APOBEC3H: variants seen among roughly 807,000 people sequenced by gnomAD.
APOBEC3H encodes the protein DNA dC->dU-editing enzyme APOBEC-3H.
APOBEC3H carries 8 observed loss-of-function variants against 21.2 expected under a neutral mutation model. That is an observed-to-expected ratio of 0.38 (90% CI 0.22 to 0.68). The LOEUF (loss-of-function observed/expected upper bound fraction) is 0.68. Ranked by LOEUF, APOBEC3H falls within the 30% of genes least tolerant of loss-of-function variation. APOBEC3H has a pLI of 0.52. For missense variants in APOBEC3H, 229 were observed against 228.1 expected, an observed-to-expected ratio of 1.00 and a Z score of -0.03; for synonymous variants, 88 against 91.0, an observed-to-expected ratio of 0.97 and a Z score of 0.19.
In APOBEC3H at chr22:39,101,966, C is replaced by T. The variant is rs1344947994; in HGVS notation, c.467C>T (p.Ser156Phe). 1 of 1,613,862 alleles carries T rather than the reference C, an allele frequency of 6.2e-7. No homozygotes were observed. Among genetic ancestry groups the T allele is most frequent in the Non-Finnish European group, 8.5e-7 (1 of 1,179,932 alleles). The change falls in exon 4 of 5, where the codon TCC (serine) becomes TTC (phenylalanine). Residue 156 changes from serine to phenylalanine, a missense_variant. Coordinates refer to ENST00000442487, the MANE Select transcript of APOBEC3H (RefSeq NM_181773.5). ...ENFVDHEKPL[S>F]FNPYKMLEEL... ...TTTGTGGACCACGAGAAACCGCTTT[C>T]CTTCAACCCCTATAAGATGTTAGAG...
intron 2 of APOBEC3H, among the ~76,000 whole-genome samples, chr22:39,100,766 A>G (rs1929267113): frequency 6.6e-6 from 1 of 151,442 alleles, no homozygotes; most frequent in Non-Finnish European, 1.5e-5. Context: ...TCCGAGTGCA[A>G]CTCCATCACA....
chr22:39,102,719 C>T (rs1037919003), intron 4 of APOBEC3H: 9 of 603,978 alleles, frequency 1.5e-5, no homozygotes, highest in South Asian at 5.6e-5. Context: ...AAAATTAACT[C>T]GGCCAGGCAC....
intron 2 of APOBEC3H, 70 bp from the exon 3 acceptor site, chr22:39,101,167 C>T (rs1440496706): frequency 1.1e-5 from 12 of 1,051,162 alleles, no homozygotes; most frequent in East Asian, 2.9e-5. Context: ...TCCCGGCCCC[C>T]GCCCCCAGTC....
chr22:39,104,025 G>T lies in APOBEC3H; in HGVS notation c.*328G>T. On this transcript the variant is annotated 3_prime_UTR_variant, in exon 5 of 5. Transcript: ENST00000442487. Reference sequence around the variant, plus strand: ...TCACGCCTGTAATCCTAGCACTTTGGGAGGCTGAGATGCTCGGCCAATAAA... The same window carrying T: ...TCACGCCTGTAATCCTAGCACTTTGTGAGGCTGAGATGCTCGGCCAATAAA... The T allele has an allele frequency of 2.5e-6, 1 of 398,156 alleles. No individual in the cohort carries two copies. The highest frequency in any genetic ancestry group is 4.6e-6 in the Non-Finnish European group (1 of 219,598). The allele number at this position is 398,156 out of a possible 1,614,324, so 24.7% of individuals were successfully genotyped here. A position where few individuals can be genotyped will look rare whatever the true frequency, so the allele number is the denominator to read the frequency against.
intron 2 of APOBEC3H, 68 bp from the exon 3 acceptor site, chr22:39,101,169 C>CCCCCCCCCCCCCCCA: frequency 8.6e-7 from 1 of 1,162,362 alleles, no homozygotes; most frequent in South Asian, 1.5e-5. Flanking sequence ...CCGGCCCCCG[C>CCCCCCCCCCCCCCCA]CCCCAGTCAC....
chr22:39,099,117 C>A (rs1033512568), intron 1 of APOBEC3H, among the ~76,000 whole-genome samples: 1 of 152,076 alleles, frequency 6.6e-6, no homozygotes, highest in Non-Finnish European at 1.5e-5. Context: ...ATTGCTTGAA[C>A]CCGGGAGAAT....
Position 39,100,341 on chromosome 22 carries a change from G to A in APOBEC3H, c.63G>A (p.Arg21=), listed in dbSNP as rs759128070. Residue 21 remains arginine, a synonymous_variant, in exon 2 of 5, where the codon AGG becomes AGA. Coordinates refer to ENST00000442487, the MANE Select transcript of APOBEC3H (RefSeq NM_181773.5). ...TTAACAACAAGCGCCGCCTCAGAAG[G>A]CCTTACTACCCGAGGAAGGCCCTCT... ...LQFNNKRRLR[R]PYYPRKALLC... is the part of the protein sequence containing the mutation. 1.9e-6 allele frequency: 3 copies of A among 1,613,956 alleles called. No homozygotes were observed. Among genetic ancestry groups the A allele is most frequent in the Non-Finnish European group, 2.5e-6 (3 of 1,179,978 alleles).
intron 2 of APOBEC3H, 141 bp from the exon 3 acceptor site, chr22:39,101,096 C>G (rs1474609233): frequency 2.5e-6 from 2 of 791,520 alleles, no homozygotes; most frequent in Admixed American, 5.2e-5. Context: ...CTGCACTAGG[C>G]CAGGCCACGC....
At chr22:39,100,034 G>A (rs551901355) in intron 1 of APOBEC3H, among the ~76,000 whole-genome samples, 25 of 152,310 alleles carry the variant, frequency 1.6e-4, no homozygotes, top group South Asian at 6.2e-4. Context: ...TTAGCCAGGC[G>A]TGGTGGCAGG....
Position 39,101,168 on chromosome 22 carries a change from G to A in APOBEC3H, c.151-69G>A, listed in dbSNP as rs1328446595. ...CATCCCCGCCCCCGTCCCGGCCCCC[G>A]CCCCCAGTCACATGACTCCTGGCCT... On this transcript the variant is annotated intron_variant, in intron 2 of 4. Transcript: ENST00000442487. 3.1e-5 allele frequency: 6 copies of A among 190,744 alleles called. No individual in the cohort carries two copies. The East Asian group carries it at 3.6e-4, about 11-fold the overall frequency. The allele number at this position is 190,744 out of a possible 1,614,324, so 11.8% of individuals were successfully genotyped here.
chr22:39,102,707 C>T (rs942001442), intron 4 of APOBEC3H: 15 of 549,044 alleles, frequency 2.7e-5, no homozygotes, highest in Non-Finnish European at 4.4e-5. Context: ...TCACCATATA[C>T]AAAAATTAAC....
Position 39,101,301 on chromosome 22 carries a change from A to G in APOBEC3H, c.215A>G (p.Gln72Arg). Residue 72 changes from glutamine to arginine, a missense_variant, in exon 3 of 5, where the codon CAG (glutamine) becomes CGG (arginine). Transcript: ENST00000442487. ...AAGTCCATGGGACTGGACGAAACGC[A>G]GTGCTACCAAGTCACCTGTTACCTC... ...EIKSMGLDET[Q>R]CYQVTCYLTW... is the part of the protein sequence containing the mutation. 1.2e-6 allele frequency: 2 copies of G among 1,613,492 alleles called. No homozygotes were observed. The highest frequency in any genetic ancestry group is 1.7e-6 in the Non-Finnish European group (2 of 1,179,906).
chr22:39,102,661 G>A (rs1369772194), intron 4 of APOBEC3H: 10 of 675,854 alleles, frequency 1.5e-5, no homozygotes, highest in East Asian at 2.8e-5. Flanking sequence ...AGTCTCCAGC[G>A]TCTATTATTT....
intron 2 of APOBEC3H, 193 bp downstream of exon 2, chr22:39,100,621 C>T (rs1473911790): frequency 1.5e-6 from 1 of 661,312 alleles, no homozygotes; most frequent in African/African-American, 1.8e-5. Context: ...CTAGGACACT[C>T]CCATTCTTTC....
At position 39,102,578 on chromosome 22, in the gene APOBEC3H, C is replaced by T. The variant is rs758631662; in HGVS notation, c.543+536C>T. 11 of 718,122 alleles carry T rather than the reference C, an allele frequency of 1.5e-5. No individual in the cohort carries two copies. The South Asian group carries it at 1.6e-4, about 11-fold the overall frequency. The allele number at this position is 718,122 out of a possible 1,614,324, so 44.5% of individuals were successfully genotyped here. A position where few individuals can be genotyped will look rare whatever the true frequency, so the allele number is the denominator to read the frequency against. On this transcript the variant is annotated intron_variant, in intron 4 of 4. Transcript: ENST00000442487. ...GTGTGATGCTGAGGTCTGAGTCACC[C>T]AATCTACTGGAACATAGCACCCAAT...
chr22:39,101,074 C>T (rs887721535), intron 2 of APOBEC3H, among the ~76,000 whole-genome samples, 163 bp from the exon 3 acceptor site: 2 of 151,962 alleles, frequency 1.3e-5, no homozygotes, highest in African/African-American at 4.8e-5. Flanking sequence ...AGGCAGGAAG[C>T]GGGTGCTTGC....
chr22:39,099,051 C>T (rs1046678728), intron 1 of APOBEC3H, among the ~76,000 whole-genome samples: 17 of 152,042 alleles, frequency 1.1e-4, no homozygotes, highest in Non-Finnish European at 1.3e-4. Context: ...AAAAATTAGC[C>T]GGGCATGAAG....
At chr22:39,100,771 A>C (rs1177924261) in intron 2 of APOBEC3H, among the ~76,000 whole-genome samples, 2 of 152,122 alleles carry the variant, frequency 1.3e-5, no homozygotes, top group Non-Finnish European at 2.9e-5. Context: ...GTGCAACTCC[A>C]TCACACCCCT....
chr22:39,103,756 C>T lies in APOBEC3H; in HGVS notation c.*59C>T. 1 of 1,601,574 alleles carries T rather than the reference C, an allele frequency of 6.2e-7. No homozygotes were observed. The highest frequency in any genetic ancestry group is 8.6e-7 in the Non-Finnish European group (1 of 1,168,588). ...TTGCAGCTTGGACCCGTATCCCACTCATTATCAAGAAGCAACTCAAGATGA... is the reference window on the plus strand; with the variant it reads ...TTGCAGCTTGGACCCGTATCCCACTTATTATCAAGAAGCAACTCAAGATGA... On this transcript the variant is annotated 3_prime_UTR_variant, in exon 5 of 5. Transcript: ENST00000442487.
Sources: allele counts gnomAD v4.1 joint callset (sites outside exome capture counted in the v4.1 genomes callset), GRCh38; gene constraint gnomAD v4.1.1; transcripts MANE v1.5; gene names NCBI Gene and HGNC (gene_info 2026-07-23, HGNC 2026-07-21).